The following FBXL7 variants were observed in gnomAD, a reference collection of about 807,000 sequenced individuals.
FBXL7 encodes F-box/LRR-repeat protein 7.
In FBXL7, 12 loss-of-function variants were observed where a neutral mutation model predicts 38.3. The ratio of observed to expected loss-of-function variants is 0.31; its 90% confidence interval spans 0.20 to 0.51. The LOEUF is 0.51. Among genes scored for constraint, FBXL7 ranks in the 20% least tolerant of loss-of-function variants. The pLI is 0.98. For missense variants in FBXL7, 567 were observed against 676.4 expected (o/e 0.84, Z 1.79); for synonymous variants, 297 against 300.9 (o/e 0.99, Z 0.13).
chr5:15,686,403 A>G (rs1743017550), intron 2 of FBXL7, among the ~76,000 whole-genome samples: 2 of 152,222 alleles, frequency 1.3e-5, no homozygotes, highest in Admixed American at 1.3e-4. Flanking sequence ...GACAGCACTT[A>G]AGTAATCTAG....
intron 1 of FBXL7, among the ~76,000 whole-genome samples, chr5:15,556,480 A>G (rs535000849): frequency 6.6e-6 from 1 of 152,292 alleles, no homozygotes; most frequent in East Asian, 1.9e-4. Context: ...CCTCACAGAC[A>G]TGCCCAGAAA....
chr5:15,565,205 G>A (rs1738532327), intron 1 of FBXL7, among the ~76,000 whole-genome samples: 1 of 152,038 alleles, frequency 6.6e-6, no homozygotes, highest in African/African-American at 2.4e-5. Flanking sequence ...CTTAAAAAAA[G>A]TTTGTCAAGT....
chr5:15,532,826 G>A (rs1737468103), intron 1 of FBXL7, among the ~76,000 whole-genome samples: 1 of 152,252 alleles, frequency 6.6e-6, no homozygotes, highest in African/African-American at 2.4e-5. Flanking sequence ...AGCAGTGGCT[G>A]TAGTGGTGGA....
intron 2 of FBXL7, among the ~76,000 whole-genome samples, chr5:15,666,535 C>T (rs988947900): frequency 4.6e-5 from 7 of 152,170 alleles, no homozygotes; most frequent in African/African-American, 1.7e-4. Context: ...CCATAGTAAT[C>T]TCTACAGTTT....
At chr5:15,637,213 C>A (rs2126550248) in intron 2 of FBXL7, among the ~76,000 whole-genome samples, 2 of 152,258 alleles carry the variant, frequency 1.3e-5, no homozygotes, top group Middle Eastern at 3.4e-3. Context: ...AACGGTGGAA[C>A]TTTCCAATGG....
chr5:15,750,861 A>T (rs962856451), intron 2 of FBXL7, among the ~76,000 whole-genome samples: 1 of 152,206 alleles, frequency 6.6e-6, no homozygotes, highest in Non-Finnish European at 1.5e-5. Flanking sequence ...TGAGAAGCTC[A>T]TGTAGGTGGA....
intron 1 of FBXL7, among the ~76,000 whole-genome samples, chr5:15,535,055 C>T (rs1454680348): frequency 6.6e-6 from 1 of 152,196 alleles, no homozygotes; most frequent in East Asian, 1.9e-4. Context: ...ACCCCTCACT[C>T]TCTCTCCCTA....
chr5:15,859,732 T>C (rs143813603), intron 2 of FBXL7, among the ~76,000 whole-genome samples: 1 of 152,118 alleles, frequency 6.6e-6, no homozygotes, highest in East Asian at 1.9e-4. Flanking sequence ...TCCCACGACA[T>C]GTAGGGATTA....
chr5:15,695,327 G>A (rs909161898), intron 2 of FBXL7, among the ~76,000 whole-genome samples: 6 of 151,966 alleles, frequency 3.9e-5, no homozygotes, highest in East Asian at 2.0e-4. Context: ...GCCAGCAGGC[G>A]TCCAGGGCCT....
chr5:15,894,702 A>C (rs1741039378), intron 2 of FBXL7, among the ~76,000 whole-genome samples: 1 of 152,318 alleles, frequency 6.6e-6, no homozygotes, highest in South Asian at 2.1e-4. Context: ...AATATGTCAA[A>C]TCTTGACACA....
rs200604362 is a variant in FBXL7, at chr5:15,541,408, G to GTA, written c.37+40704_37+40705dup. Among the ~76,000 whole-genome samples, 580 of 105,904 alleles carry GTA rather than the reference G, an allele frequency of 5.5e-3. 3 individuals carry two copies. The highest frequency in any genetic ancestry group is 0.036 in the Middle Eastern group (6 of 168). 69.5% of individuals were successfully genotyped at this position (105,904 alleles called of 152,430 possible). On this transcript the variant is annotated intron_variant, in intron 1 of 3. Coordinates refer to ENST00000504595, the MANE Select transcript of FBXL7 (RefSeq NM_012304.5). ...CACACACATATATCCATATATATGTGTATATATATACATATAGTATATATG... is the reference window on the plus strand; with the variant it reads ...CACACACATATATCCATATATATGTGTATATATATATACATATAGTATATATG...
chr5:15,737,187 G>T (rs985958014), intron 2 of FBXL7, among the ~76,000 whole-genome samples: 1 of 151,966 alleles, frequency 6.6e-6, no homozygotes, highest in African/African-American at 2.4e-5. Context: ...TCCACTGGGC[G>T]TCCGAAGCTC....
At chr5:15,920,426 CTGAATTT>C (rs1041077256) in intron 2 of FBXL7, among the ~76,000 whole-genome samples, 24 of 152,184 alleles carry the variant, frequency 1.6e-4, no homozygotes, top group Non-Finnish European at 2.9e-4. Flanking sequence ...GTGCAGTTTA[CTGAATTT>C]TAATGCCAAA....
At chr5:15,507,742 A>G (rs1736684603) in intron 1 of FBXL7, among the ~76,000 whole-genome samples, 1 of 152,196 alleles carries the variant, frequency 6.6e-6, no homozygotes, top group Non-Finnish European at 1.5e-5. Context: ...TTATGTCCCA[A>G]TAAAAAAAGT....
intron 2 of FBXL7, among the ~76,000 whole-genome samples, chr5:15,885,881 ATTTAT>A (rs1230214347): frequency 6.6e-6 from 1 of 151,512 alleles, no homozygotes; most frequent in African/African-American, 2.4e-5. Flanking sequence ...GGATTTTTTA[ATTTAT>A]TTTATTTTTT....
At chr5:15,602,015 C>T (rs1278028664) in intron 1 of FBXL7, among the ~76,000 whole-genome samples, 3 of 152,032 alleles carry the variant, frequency 2.0e-5, no homozygotes, top group Admixed American at 2.0e-4. Context: ...GGAAGACAGC[C>T]ATGTGATGAC....
Position 15,937,084 on chromosome 5 carries a change from G to A in FBXL7, c.1374G>A (p.Thr458=). ...CCGCCAACTGCTTTGACCTCCAGAC[G>A]CTGAATGTCCAGGACTGCGAGGTCT... ...IVAANCFDLQ[T]LNVQDCEVSV... Residue 458 remains threonine (T), a synonymous_variant, in exon 4 of 4, where the codon ACG becomes ACA. Coordinates refer to ENST00000504595, the MANE Select transcript of FBXL7 (RefSeq NM_012304.5). The A allele has an allele frequency of 6.2e-7, 1 of 1,613,958 alleles. No homozygotes were observed. Among genetic ancestry groups the A allele is most frequent in the Non-Finnish European group, 8.5e-7 (1 of 1,179,880 alleles).
chr5:15,655,493 CAA>C (rs58395302), intron 2 of FBXL7, among the ~76,000 whole-genome samples: 94 of 130,306 alleles, frequency 7.2e-4, no homozygotes, highest in African/African-American at 2.0e-3. Context: ...GACTCTGTCT[CAA>C]AAAAAAAAAA....
At chr5:15,862,174 A>G (rs1384017595) in intron 2 of FBXL7, among the ~76,000 whole-genome samples, 1 of 152,166 alleles carries the variant, frequency 6.6e-6, no homozygotes, top group Non-Finnish European at 1.5e-5. Context: ...TGTGGAAGAT[A>G]ACTGAATCAT....
Sources: gnomAD v4.1 joint callset for allele counts (sites outside exome capture counted in the v4.1 genomes callset) on GRCh38, gnomAD v4.1.1 for gene constraint, MANE v1.5 for transcripts, NCBI Gene and HGNC (gene_info 2026-07-23, HGNC 2026-07-21) for gene names.